Variants in EPHA3 observed in about 807,000 individuals in gnomAD.
EPHA3 encodes the protein EPH receptor A3.
EPHA3 carries 42 observed loss-of-function variants against 107.1 expected under a neutral mutation model. The ratio of observed to expected loss-of-function variants is 0.39; its 90% CI spans 0.31 to 0.51. EPHA3 has a LOEUF of 0.51. EPHA3 is among the 20% of genes least tolerant of loss of function. The pLI, the probability that EPHA3 is intolerant of heterozygous loss-of-function variation, is 0.78. For synonymous variants in EPHA3, 461 were observed against 424.8 expected (o/e 1.09, Z -1.05); for missense variants, 1,183 against 1,211.2 (o/e 0.98, Z 0.35).
intron 3 of EPHA3, among the ~76,000 whole-genome samples, chr3:89,247,158 A>C (rs998087962): frequency 2.0e-5 from 3 of 152,168 alleles, no homozygotes; most frequent in African/African-American, 7.2e-5. Flanking sequence ...GGAGATAAAG[A>C]ATAGGGAGAA....
chr3:89,481,646 A>G lies in EPHA3; in HGVS notation c.*2144A>G, dbSNP rs760726821. The stretch of plus-strand genomic sequence containing the variant: ...GTTTCCATCTGAAAGTAGAGGTTGT[A>G]TACACCATATACTGTTCTTCATTTT... On this transcript the variant is annotated 3_prime_UTR_variant, in exon 17 of 17. Coordinates refer to ENST00000336596, the MANE Select transcript of EPHA3 (RefSeq NM_005233.6). The G allele has an allele frequency of 9.9e-5, 23 of 232,368 alleles. No individual in the cohort carries two copies. The highest frequency in any genetic ancestry group is 1.3e-4 in the Non-Finnish European group (15 of 117,336). The allele number at this position is 232,368 out of a possible 1,614,324, so 14.4% of individuals were successfully genotyped here. A position where few individuals can be genotyped will look rare whatever the true frequency, so the allele number is the denominator to read the frequency against.
chr3:89,111,926 T>C (rs1468591837), intron 1 of EPHA3, among the ~76,000 whole-genome samples: 52 of 152,110 alleles, frequency 3.4e-4, no homozygotes, highest in Admixed American at 3.4e-3. Context: ...AACAATAGAT[T>C]TATCAATACA....
At chr3:89,370,062 C>T in intron 5 of EPHA3, among the ~76,000 whole-genome samples, 1 of 150,584 alleles carries the variant, frequency 6.6e-6, no homozygotes, top group Non-Finnish European at 1.5e-5. Context: ...GTTGGTGGGA[C>T]TGTAAACTAG....
intron 9 of EPHA3, among the ~76,000 whole-genome samples, chr3:89,408,682 A>G (rs1709100703): frequency 1.3e-5 from 2 of 152,118 alleles, no homozygotes; most frequent in Non-Finnish European, 2.9e-5. Flanking sequence ...TTTTAAATAC[A>G]CATTTCAGAA....
intron 2 of EPHA3, among the ~76,000 whole-genome samples, chr3:89,163,660 T>C (rs1704997591): frequency 6.6e-6 from 1 of 152,162 alleles, no homozygotes; most frequent in South Asian, 2.1e-4. Context: ...ACTACACACC[T>C]GGGAAATCGA....
chr3:89,437,997 T>A (rs1445737221), intron 13 of EPHA3, among the ~76,000 whole-genome samples: 1 of 152,220 alleles, frequency 6.6e-6, no homozygotes, highest in Non-Finnish European at 1.5e-5. Flanking sequence ...CAACATTTTA[T>A]TTTACATAAT....
At chr3:89,421,433 C>T (rs1295800371) in intron 11 of EPHA3, among the ~76,000 whole-genome samples, 3 of 151,116 alleles carry the variant, frequency 2.0e-5, no homozygotes, top group African/African-American at 4.8e-5. Context: ...AAATTGAATA[C>T]ACTTTTCAAA....
chr3:89,310,412 TG>T (rs1446518734), intron 3 of EPHA3, among the ~76,000 whole-genome samples: 1 of 152,048 alleles, frequency 6.6e-6, no homozygotes. Context: ...TACGAATTTT[TG>T]GGGTATATCT....
chr3:89,231,777 T>A (rs994706536), intron 3 of EPHA3, among the ~76,000 whole-genome samples: 2 of 152,116 alleles, frequency 1.3e-5, no homozygotes, highest in Non-Finnish European at 2.9e-5. Flanking sequence ...AAATAATACA[T>A]CTATTTAAAC....
At chr3:89,391,452 G>C (rs367714723) in intron 5 of EPHA3, among the ~76,000 whole-genome samples, 1 of 118,782 alleles carries the variant, frequency 8.4e-6, no homozygotes, top group Non-Finnish European at 1.6e-5. Context: ...ATGGAGTCTC[G>C]CTCTGTCACC....
chr3:89,466,861 C>G (rs114208068), intron 15 of EPHA3, among the ~76,000 whole-genome samples: 2,822 of 149,292 alleles, frequency 0.019, 390 homozygotes, highest in African/African-American at 0.061. Context: ...TCCCTCCTGT[C>G]TCTCTTTTTT....
intron 12 of EPHA3, among the ~76,000 whole-genome samples, 198 bp from the exon 13 acceptor site, chr3:89,430,952 T>G (rs1220137367): frequency 6.6e-6 from 1 of 152,136 alleles, no homozygotes; most frequent in Non-Finnish European, 1.5e-5. Context: ...TGTTACAAAG[T>G]ATTTGATAAC....
intron 2 of EPHA3, among the ~76,000 whole-genome samples, chr3:89,142,278 A>G (rs554535785): frequency 6.4e-4 from 97 of 151,536 alleles, no homozygotes; most frequent in Admixed American, 3.6e-3. Flanking sequence ...CAACATTTGT[A>G]GAAATTATGA....
At chr3:89,474,901 T>C (rs78677937) in intron 16 of EPHA3, among the ~76,000 whole-genome samples, 16,326 of 152,232 alleles carry the variant, frequency 0.11, 1,347 homozygotes, top group African/African-American at 0.23. Flanking sequence ...ACATTCAAGA[T>C]GAAAACTGAC....
rs778986745 is a variant in EPHA3, at chr3:89,210,235, A to G, written c.529A>G (p.Lys177Glu). ...EIREVGPVNK[K>E]GFYLAFQDVG... is the part of the protein sequence containing the mutation. ...TAGAGAAGTAGGTCCTGTCAACAAG[A>G]AGGGATTTTATTTGGCATTTCAAGA... Residue 177 changes from lysine to glutamate, a missense_variant, in exon 3 of 17, where the codon AAG (lysine) becomes GAG (glutamate). Coordinates refer to ENST00000336596, the MANE Select transcript of EPHA3 (RefSeq NM_005233.6). 1 of 1,614,006 alleles carries G rather than the reference A, an allele frequency of 6.2e-7. No homozygotes were observed. The highest frequency in any genetic ancestry group is 8.5e-7 in the Non-Finnish European group (1 of 1,179,940).
At chr3:89,187,599 A>G (rs1705599541) in intron 2 of EPHA3, among the ~76,000 whole-genome samples, 1 of 152,036 alleles carries the variant, frequency 6.6e-6, no homozygotes, top group African/African-American at 2.4e-5. Context: ...GCTGATGAAT[A>G]TCAGTGTGAT....
intron 7 of EPHA3, among the ~76,000 whole-genome samples, chr3:89,402,648 AAC>A (rs1372750120): frequency 6.6e-6 from 1 of 151,974 alleles, no homozygotes; most frequent in African/African-American, 2.4e-5. Flanking sequence ...GTTTGTATTT[AAC>A]AGTTTGCTTT....
intron 3 of EPHA3, among the ~76,000 whole-genome samples, chr3:89,223,152 T>A (rs1274904695): frequency 6.6e-6 from 1 of 152,212 alleles, no homozygotes; most frequent in Admixed American, 6.5e-5. Flanking sequence ...ACAACATGTA[T>A]GCTGCTTTAA....
intron 3 of EPHA3, among the ~76,000 whole-genome samples, chr3:89,323,385 T>C (rs1250261457): frequency 6.6e-6 from 1 of 152,142 alleles, no homozygotes; most frequent in Admixed American, 6.6e-5. Context: ...ATATAGTAAC[T>C]GGCAGAGCCA....
Sources: allele counts gnomAD v4.1 joint callset (sites outside exome capture counted in the v4.1 genomes callset), GRCh38; gene constraint gnomAD v4.1.1; transcripts MANE v1.5; gene names NCBI Gene and HGNC (gene_info 2026-07-23, HGNC 2026-07-21).